The following PTH2R variants were observed in gnomAD, a reference collection of about 807,000 sequenced individuals.
PTH2R encodes PTH2 receptor.
In PTH2R, 59 loss-of-function variants were observed where a neutral mutation model predicts 60.3. The observed-to-expected ratio is 0.98, with a 90% confidence interval of 0.79 to 1.22. The LOEUF (loss-of-function observed/expected upper bound fraction) is 1.22, where lower values mean the gene tolerates loss of function less well. PTH2R is among the 50% of genes most tolerant of loss of function. PTH2R has a pLI of 0.00. For synonymous variants in PTH2R, 256 were observed against 243.8 expected (o/e 1.05, Z -0.47); for missense variants, 749 against 682.6 (o/e 1.10, Z -1.08).
In PTH2R at chr2:208,451,828, C is replaced by G. The variant is rs564535554; in HGVS notation, c.914+1019C>G. Among the ~76,000 whole-genome samples, 6 of 152,202 alleles carry G rather than the reference C, an allele frequency of 3.9e-5. No homozygotes were observed. In the South Asian group the frequency reaches 1.2e-3, roughly 31 times the overall value. On this transcript the variant is annotated intron_variant, in intron 8 of 12. Coordinates refer to ENST00000272847, the MANE Select transcript of PTH2R (RefSeq NM_005048.4). The stretch of plus-strand genomic sequence containing the variant: ...ATGCTATAAATCATTTAAAATGTAT[C>G]ATTTTTAAGGATACATTTTAATGTA...
At chr2:208,409,756 G>A (rs752345022) in intron 1 of PTH2R, among the ~76,000 whole-genome samples, 2 of 152,166 alleles carry the variant, frequency 1.3e-5, no homozygotes, top group East Asian at 1.9e-4. Flanking sequence ...TTCAAAACCC[G>A]TGCATTCATA....
In PTH2R at chr2:208,400,423, C is replaced by T. The variant is rs371097172; in HGVS notation, c.-258-27778C>T. On this transcript the variant is annotated intron_variant, in intron 1 of 12. Transcript: ENST00000617735. ...GCCTAAAATGAAAGGATATGTCCTT[C>T]GGTGGAGTATTCTTATATTTCCAGG... Among the ~76,000 whole-genome samples, 22 of 152,256 alleles carry T rather than the reference C, an allele frequency of 1.4e-4. No individual in the cohort carries two copies. The East Asian group carries it at 3.1e-3, about 21-fold the overall frequency.
At chr2:208,442,546 C>G (rs189561901) in intron 5 of PTH2R, 85 bp downstream of exon 5, 1 of 1,067,356 alleles carries the variant, frequency 9.4e-7, no homozygotes, top group African/African-American at 1.6e-5. Flanking sequence ...CAATATTTTC[C>G]AAATGTTTTC....
chr2:208,444,326 C>G (rs1280293610), intron 6 of PTH2R, among the ~76,000 whole-genome samples: 2 of 152,212 alleles, frequency 1.3e-5, no homozygotes, highest in Non-Finnish European at 2.9e-5. Flanking sequence ...AAGTCACTAA[C>G]TTTGGGGGCA....
chr2:208,443,515 C>A lies in PTH2R; in HGVS notation c.677C>A (p.Thr226Asn). 1.2e-6 allele frequency: 2 copies of A among 1,607,904 alleles called. No individual in the cohort carries two copies. Among genetic ancestry groups the A allele is most frequent in the East Asian group, 2.2e-5 (1 of 44,792 alleles). ...GACCCACAAAATTCCATTGAGGCAACTTCTGTGGACAAATCACAATATGTA... is the reference window on the plus strand; with the variant it reads ...GACCCACAAAATTCCATTGAGGCAAATTCTGTGGACAAATCACAATATGTA... The part of the protein sequence containing the change: ...QDDPQNSIEA[T>N]SVDKSQYIGC... The change falls in exon 6 of 13, where the codon ACT (threonine) becomes AAT (asparagine). Residue 226 changes from threonine to asparagine, a missense_variant. By Grantham distance (65) the Thr-to-Asn change is moderately conservative. Coordinates refer to ENST00000272847, the MANE Select transcript of PTH2R (RefSeq NM_005048.4).
chr2:208,359,705 A>C (rs141857048), upstream of PTH2R: 1,507 of 152,682 alleles, frequency 9.9e-3, 10 homozygotes, highest in Non-Finnish European at 0.016. Flanking sequence ...CTCCGCTGCC[A>C]GTGCCTCCGT....
intron 8 of PTH2R, among the ~76,000 whole-genome samples, chr2:208,457,816 T>A (rs1702544451): frequency 6.6e-6 from 1 of 152,206 alleles, no homozygotes; most frequent in South Asian, 2.1e-4. Context: ...TAAAAATATG[T>A]AGTTCTTAGT....
At chr2:208,362,059 C>T (rs1574803112) in intron 1 of PTH2R, among the ~76,000 whole-genome samples, 1 of 152,266 alleles carries the variant, frequency 6.6e-6, no homozygotes, top group East Asian at 1.9e-4. Context: ...CAGTTATCTC[C>T]CCACCACCCC....
At chr2:208,438,848 T>A (rs1702128948) in intron 4 of PTH2R, among the ~76,000 whole-genome samples, 1 of 152,188 alleles carries the variant, frequency 6.6e-6, no homozygotes. Flanking sequence ...TAGAACTTCC[T>A]GTCTTAACTT....
intron 8 of PTH2R, among the ~76,000 whole-genome samples, chr2:208,457,660 G>C (rs1574891041): frequency 1.3e-5 from 2 of 152,180 alleles, no homozygotes; most frequent in South Asian, 4.1e-4. Flanking sequence ...ACACAATATG[G>C]TAATAAAAGG....
At chr2:208,475,354 T>C (rs1377055024) in intron 9 of PTH2R, among the ~76,000 whole-genome samples, 1 of 152,144 alleles carries the variant, frequency 6.6e-6, no homozygotes, top group East Asian at 1.9e-4. Flanking sequence ...GCTTACAGAA[T>C]AGGAGTAATA....
At chr2:208,392,653 C>T (rs772163271) in intron 1 of PTH2R, among the ~76,000 whole-genome samples, 4 of 152,082 alleles carry the variant, frequency 2.6e-5, no homozygotes, top group East Asian at 1.9e-4. Flanking sequence ...CCTGCAGCTA[C>T]GGGTTAAAGG....
At chr2:208,483,457 T>C (rs527898058) in intron 10 of PTH2R, among the ~76,000 whole-genome samples, 37 of 152,348 alleles carry the variant, frequency 2.4e-4, no homozygotes, top group African/African-American at 8.7e-4. Flanking sequence ...CTGAATGACG[T>C]GAACTAATAC....
intron 1 of PTH2R, among the ~76,000 whole-genome samples, chr2:208,407,807 A>C (rs933694882): frequency 1.3e-5 from 2 of 152,168 alleles, no homozygotes; most frequent in Non-Finnish European, 2.9e-5. Context: ...CAGATGAGCT[A>C]GAGAGATGCG....
At chr2:208,449,442 GATAGATAGATAA>G (rs914029800) in intron 7 of PTH2R, among the ~76,000 whole-genome samples, 65 of 151,378 alleles carry the variant, frequency 4.3e-4, no homozygotes, top group African/African-American at 1.1e-3. Flanking sequence ...AAATGTGATA[GATAGATAGATAA>G]ATAGATAGAT....
intron 7 of PTH2R, among the ~76,000 whole-genome samples, chr2:208,447,286 C>T (rs1376504501): frequency 2.6e-5 from 4 of 151,366 alleles, no homozygotes; most frequent in African/African-American, 9.7e-5. Context: ...TATGATGATT[C>T]TTAAAAATAA....
chr2:208,464,148 T>C (rs771371024), intron 9 of PTH2R, among the ~76,000 whole-genome samples: 15 of 152,258 alleles, frequency 9.9e-5, no homozygotes, highest in Middle Eastern at 3.2e-3. Flanking sequence ...GAAAAAGTTA[T>C]TAAGCTCTCA....
At chr2:208,490,573 C>A in intron 11 of PTH2R, 66 bp from the exon 12 acceptor site, 1 of 1,532,226 alleles carries the variant, frequency 6.5e-7, no homozygotes, top group Non-Finnish European at 8.8e-7. Flanking sequence ...CACATTTTGG[C>A]ACAAGATGCT....
chr2:208,485,433 T>C (rs1203274811), intron 10 of PTH2R, among the ~76,000 whole-genome samples: 1 of 152,094 alleles, frequency 6.6e-6, no homozygotes, highest in Non-Finnish European at 1.5e-5. Flanking sequence ...AGAGCCAGGG[T>C]ATAAAAACGT....
Sources: allele counts gnomAD v4.1 joint callset (sites outside exome capture counted in the v4.1 genomes callset), GRCh38; gene constraint gnomAD v4.1.1; transcripts MANE v1.5; gene names NCBI Gene and HGNC (gene_info 2026-07-23, HGNC 2026-07-21).